Variants in DNAH8 observed in about 807,000 individuals in gnomAD.
DNAH8 encodes dynein axonemal heavy chain 8.
DNAH8 carries 382 observed loss-of-function variants against 562.1 expected under a neutral mutation model. The ratio of observed to expected loss-of-function variants is 0.68; its 90% CI spans 0.63 to 0.74. The LOEUF is 0.74. Among genes scored for constraint, DNAH8 ranks in the 30% least tolerant of loss-of-function variants. The pLI, the probability that DNAH8 is intolerant of heterozygous loss-of-function variation, is 0.00. For missense variants in DNAH8, 5,203 were observed against 5,620.4 expected (o/e 0.93, Z 2.37); for synonymous variants, 1,881 against 1,919.4 (o/e 0.98, Z 0.52).
intron 82 of DNAH8, among the ~76,000 whole-genome samples, chr6:38,958,158 C>T (rs890399412): frequency 1.6e-4 from 24 of 145,730 alleles, no homozygotes; most frequent in African/African-American, 5.6e-4. Flanking sequence ...CCAGCCACCA[C>T]GCCTGACTAA....
intron 76 of DNAH8, among the ~76,000 whole-genome samples, chr6:38,934,242 A>C (rs971787066): frequency 2.0e-5 from 3 of 151,946 alleles, no homozygotes; most frequent in Non-Finnish European, 4.4e-5. Flanking sequence ...AGTCCCAGCT[A>C]CTCGGGAGTC....
intron 21 of DNAH8, among the ~76,000 whole-genome samples, chr6:38,800,300 A>T (rs1770673674): frequency 6.6e-6 from 1 of 151,296 alleles, no homozygotes; most frequent in East Asian, 1.9e-4. Flanking sequence ...TCCATGTTAT[A>T]CTCTTTGAAG....
At chr6:38,987,578 G>C (rs1375492190) in intron 87 of DNAH8, among the ~76,000 whole-genome samples, 2 of 152,232 alleles carry the variant, frequency 1.3e-5, no homozygotes, top group Middle Eastern at 3.4e-3. Context: ...TCAGCAATTA[G>C]TGCCTTAAGT....
intron 88 of DNAH8, among the ~76,000 whole-genome samples, chr6:38,992,643 A>G (rs918046979): frequency 2.6e-5 from 4 of 152,106 alleles, no homozygotes; most frequent in African/African-American, 4.8e-5. Flanking sequence ...TGGATAATCC[A>G]CAGGATCCCA....
intron 16 of DNAH8, among the ~76,000 whole-genome samples, chr6:38,782,319 C>T (rs1000596501): frequency 5.3e-5 from 8 of 151,910 alleles, no homozygotes; most frequent in East Asian, 3.9e-4. Flanking sequence ...TTTGCTCTCT[C>T]GCCCAGGCTG....
At chr6:38,893,147 C>A (rs539780691) in intron 58 of DNAH8, among the ~76,000 whole-genome samples, 2 of 152,166 alleles carry the variant, frequency 1.3e-5, no homozygotes, top group African/African-American at 4.8e-5. Flanking sequence ...TTCTTAAGAA[C>A]CAAGGAGGTG....
At chr6:39,011,988 G>A (rs564712627) in intron 89 of DNAH8, among the ~76,000 whole-genome samples, 9 of 152,276 alleles carry the variant, frequency 5.9e-5, no homozygotes, top group African/African-American at 2.2e-4. Flanking sequence ...TATTAGCTAA[G>A]TACAATCAGT....
intron 85 of DNAH8, among the ~76,000 whole-genome samples, chr6:38,978,414 T>C (rs1390802252): frequency 6.6e-6 from 1 of 152,230 alleles, no homozygotes; most frequent in African/African-American, 2.4e-5. Context: ...AATTTAATAG[T>C]GCATATAAAG....
intron 11 of DNAH8, among the ~76,000 whole-genome samples, chr6:38,766,939 T>A (rs1216426090): frequency 6.6e-6 from 1 of 152,196 alleles, no homozygotes; most frequent in Non-Finnish European, 1.5e-5. Flanking sequence ...CGACATTTTC[T>A]TTGTGAAAAG....
chr6:38,721,963 A>G (rs1253044394), intron 1 of DNAH8, among the ~76,000 whole-genome samples: 5 of 152,194 alleles, frequency 3.3e-5, no homozygotes, highest in East Asian at 1.9e-4. Context: ...TTTTAACCAC[A>G]TCCTGAAAAC....
At chr6:38,873,572 C>G (rs1252704470) in intron 52 of DNAH8, among the ~76,000 whole-genome samples, 196 bp downstream of exon 52, 1 of 152,128 alleles carries the variant, frequency 6.6e-6, no homozygotes, top group Non-Finnish European at 1.5e-5. Flanking sequence ...ATTATTTTCA[C>G]TTCCCAGAGG....
At chr6:38,763,398 CAAG>C in intron 11 of DNAH8, 1 of 287,814 alleles carries the variant, frequency 3.5e-6, no homozygotes, top group East Asian at 1.0e-4. Flanking sequence ...AATATTGTGA[CAAG>C]AGAGGGATTG....
At chr6:38,995,738 C>A (rs1019499553) in intron 88 of DNAH8, among the ~76,000 whole-genome samples, 2 of 152,174 alleles carry the variant, frequency 1.3e-5, no homozygotes, top group Non-Finnish European at 2.9e-5. Flanking sequence ...TGAGTCCAAC[C>A]CATTCAATAA....
At chr6:38,759,432 GT>G (rs1766277152) in intron 10 of DNAH8, among the ~76,000 whole-genome samples, 1 of 152,158 alleles carries the variant, frequency 6.6e-6, no homozygotes, top group Non-Finnish European at 1.5e-5. Context: ...CACATTTTAA[GT>G]TTTTTTAAAA....
intron 29 of DNAH8, among the ~76,000 whole-genome samples, chr6:38,827,491 A>G (rs1773436948): frequency 6.6e-6 from 1 of 152,032 alleles, no homozygotes; most frequent in Non-Finnish European, 1.5e-5. Context: ...CATTGCCTAC[A>G]ATATCTGGGG....
intron 21 of DNAH8, 68 bp from the exon 22 acceptor site, chr6:38,803,111 A>G (rs1285858664): frequency 1.4e-5 from 15 of 1,109,100 alleles, no homozygotes; most frequent in South Asian, 1.1e-4. Context: ...AATTAAAGTC[A>G]TAGGACTAAT....
intron 91 of DNAH8, among the ~76,000 whole-genome samples, chr6:39,023,508 AAAAC>A (rs1420280160): frequency 1.3e-5 from 2 of 152,178 alleles, no homozygotes; most frequent in African/African-American, 2.4e-5. Context: ...CAATCAAAAC[AAAAC>A]AAACAAACAA....
At chr6:38,721,731 T>C (rs1762772919) in intron 1 of DNAH8, among the ~76,000 whole-genome samples, 1 of 152,056 alleles carries the variant, frequency 6.6e-6, no homozygotes, top group South Asian at 2.1e-4. Context: ...GTTTATGAGT[T>C]CTCTGGAAAA....
At chr6:38,971,473 T>TTTC (rs1763346437) in intron 82 of DNAH8, 119 bp from the exon 83 acceptor site, 1 of 138,966 alleles carries the variant, frequency 7.2e-6, no homozygotes. Flanking sequence ...ACAGCAAAGA[T>TTTC]TTTTTTTTTT....
Sources: gnomAD v4.1 joint callset for allele counts (sites outside exome capture counted in the v4.1 genomes callset) on GRCh38, gnomAD v4.1.1 for gene constraint, MANE v1.5 for transcripts, NCBI Gene and HGNC (gene_info 2026-07-23, HGNC 2026-07-21) for gene names.